ZNF200: variants seen among roughly 807,000 people sequenced by gnomAD.
ZNF200 encodes the protein zinc finger protein 200.
ZNF200 carries 35 observed loss-of-function variants against 33.6 expected under a neutral mutation model. The ratio of observed to expected loss-of-function variants is 1.04; its 90% CI spans 0.80 to 1.38. The LOEUF (loss-of-function observed/expected upper bound fraction) is 1.38, where lower values mean the gene tolerates loss of function less well. Among genes scored for constraint, ZNF200 ranks in the 40% most tolerant of loss-of-function variants. The pLI, the probability that ZNF200 is intolerant of heterozygous loss-of-function variation, is 0.00. For missense variants in ZNF200, 592 were observed against 470.6 expected (o/e 1.26, Z -2.39); for synonymous variants, 209 against 167.7 (o/e 1.25, Z -1.90).
At position 3,232,540 on chromosome 16, in the gene ZNF200, A is replaced by T. The variant is rs777637947; in HGVS notation, c.347T>A (p.Val116Glu). ...LYLKANPEELVVFEDLNVFHC... is the reference protein window; with the variant it reads ...LYLKANPEELEVFEDLNVFHC... ...AAATACATTCAAATCCTCAAAGACCACCAGCTCCTGAAAGAGCAAGAGGCC... is the reference window on the plus strand; with the variant it reads ...AAATACATTCAAATCCTCAAAGACCTCCAGCTCCTGAAAGAGCAAGAGGCC... The change falls in exon 4 of 5, where the codon GTG becomes GAG. Residue 116 changes from valine (V) to glutamate (E), a missense_variant. Val to Glu is a moderately radical substitution (Grantham distance 121). Coordinates refer to ENST00000414144, the MANE Select transcript of ZNF200 (RefSeq NM_198088.3). 70 of 1,613,606 alleles carry T rather than the reference A, an allele frequency of 4.3e-5. No individual in the cohort carries two copies. Among genetic ancestry groups the T allele is most frequent in the Non-Finnish European group, 5.6e-5 (66 of 1,179,972 alleles).
chr16:3,224,382 T>G lies in ZNF200; in HGVS notation c.698A>C (p.Lys233Thr). Residue 233 changes from lysine to threonine, a missense_variant, in exon 5 of 5, where the codon AAA (lysine) becomes ACA (threonine). By Grantham distance (78) the Lys-to-Thr change is moderately conservative. Transcript: ENST00000414144. ...ENDTPLEELSKYVDISIIALT... is the reference protein window; with the variant it reads ...ENDTPLEELSTYVDISIIALT... ...GGCAATAATACTGATGTCTACATATTTTGAGAGTTCCTCTAGAGGAGTATC... is the reference window on the plus strand; with the variant it reads ...GGCAATAATACTGATGTCTACATATGTTGAGAGTTCCTCTAGAGGAGTATC... The G allele has an allele frequency of 1.9e-6, 3 of 1,614,234 alleles. No homozygotes were observed. Among genetic ancestry groups the G allele is most frequent in the Non-Finnish European group, 2.5e-6 (3 of 1,180,046 alleles).
rs1468893509 is a variant in ZNF200 at position 3,233,675 on chromosome 16, C to T, written c.81G>A (p.Leu27=). Residue 27 remains leucine (L), a synonymous_variant, in exon 2 of 5, where the codon CTG becomes CTA. Transcript: ENST00000414144. ...FILRVPPDSK[L]GQDLLRDATN... is the part of the protein sequence containing the mutation. ...TGGCATCTCGAAGTAGGTCTTGGCC[C>T]AGCTTGGAGTCTGGCGGAACTCTCA... 4.3e-6 allele frequency: 7 copies of T among 1,613,824 alleles called. No individual in the cohort carries two copies. Among genetic ancestry groups the T allele is most frequent in the Non-Finnish European group, 5.9e-6 (7 of 1,179,972 alleles).
chr16:3,232,701 G>A, intron 3 of ZNF200, 132 bp downstream of exon 3: 3 of 1,415,778 alleles, frequency 2.1e-6, no homozygotes, highest in Admixed American at 2.0e-5. Context: ...CAGCCAGGCT[G>A]AGAAGGGCTC....
In ZNF200 at chr16:3,224,601, C is replaced by G. The variant is rs765495787; in HGVS notation, c.479G>C (p.Ser160Thr). 1.4e-5 allele frequency: 22 copies of G among 1,589,230 alleles called. No individual in the cohort carries two copies. Among genetic ancestry groups the G allele is most frequent in the Middle Eastern group, 1.7e-4 (1 of 5,950 alleles). Residue 160 changes from serine (S) to threonine (T), a missense_variant, in exon 5 of 5, where the codon AGT (serine) becomes ACT (threonine). Physicochemically the swap from Ser to Thr is moderately conservative, Grantham distance 58. Coordinates refer to ENST00000414144, the MANE Select transcript of ZNF200 (RefSeq NM_198088.3). ...CTCAGGATCTTCACCTTCAGGATTA[C>G]TGCCATTGACTGCTGAAACAAAGAG... ...GEMMLLAVNG[S>T]NPEGEDPERE...
intron 3 of ZNF200, 122 bp downstream of exon 3, chr16:3,232,711 C>A: frequency 7.0e-7 from 1 of 1,422,742 alleles, no homozygotes; most frequent in Admixed American, 2.1e-5. Flanking sequence ...GAGAAGGGCT[C>A]AAGGAAAAAG....
chr16:3,224,362 T>C lies in ZNF200; in HGVS notation c.718A>G (p.Ile240Val). 6.2e-7 allele frequency: 1 copy of C among 1,614,226 alleles called. No homozygotes were observed. The highest frequency in any genetic ancestry group is 8.5e-7 in the Non-Finnish European group (1 of 1,180,046). Residue 240 changes from isoleucine to valine, a missense_variant, in exon 5 of 5, where the codon ATT (isoleucine) becomes GTT (valine). Physicochemically the swap from Ile to Val is conservative, Grantham distance 29. Transcript: ENST00000414144. The stretch of plus-strand genomic sequence containing the variant: ...GTCCTCCGATTTCGAGTAAGGGCAA[T>C]AATACTGATGTCTACATATTTTGAG... ...ELSKYVDISI[I>V]ALTRNRRTRR...
In ZNF200 at chr16:3,232,789, G is replaced by A. The variant is rs373735180; in HGVS notation, c.339+44C>T. The A allele has an allele frequency of 5.3e-5, 84 of 1,595,130 alleles. 1 individual carries two copies. The South Asian group carries it at 5.7e-4, about 11-fold the overall frequency. ...TTTTACACACAGGTTGGCCAAGCAC[G>A]GAAGGTGATGGATTCAGGCAGTAAA... On this transcript the variant is annotated intron_variant, in intron 3 of 4. Transcript: ENST00000414144.
chr16:3,233,056 T>A (rs113458282), intron 2 of ZNF200, 135 bp from the exon 3 acceptor site: 2 of 729,004 alleles, frequency 2.7e-6, no homozygotes, highest in Non-Finnish European at 4.5e-6. Flanking sequence ...TGAGCCCTTA[T>A]AGAGTTCAAG....
chr16:3,224,541 T>G lies in ZNF200; in HGVS notation c.539A>C (p.Lys180Thr). Residue 180 changes from lysine to threonine, a missense_variant, in exon 5 of 5, where the codon AAG (lysine) becomes ACG (threonine). Transcript: ENST00000414144. The part of the protein sequence containing the change: ...EPVENEDYRE[K>T]SSDDDEMDSS... Reference sequence around the variant, plus strand: ...ATCCATTTCATCATCATCTGAAGACTTTTCTCTATAATCTTCATTTTCTAC... The same window carrying G: ...ATCCATTTCATCATCATCTGAAGACGTTTCTCTATAATCTTCATTTTCTAC... The G allele has an allele frequency of 6.2e-7, 1 of 1,613,834 alleles. No individual in the cohort carries two copies. Among genetic ancestry groups the G allele is most frequent in the Non-Finnish European group, 8.5e-7 (1 of 1,179,852 alleles).
In ZNF200 at chr16:3,222,591, G is replaced by C. The variant is rs1168989536; in HGVS notation, c.*1301C>G. 2.6e-5 allele frequency: 4 copies of C among 152,144 alleles called. No individual in the cohort carries two copies. The highest frequency in any genetic ancestry group is 9.7e-5 in the African/African-American group (4 of 41,432). The allele number at this position is 152,144 out of a possible 1,614,324, so 9.4% of individuals were successfully genotyped here. On this transcript the variant is annotated 3_prime_UTR_variant, in exon 5 of 5. Transcript: ENST00000414144. The stretch of plus-strand genomic sequence containing the variant: ...TAATAAATAGAAAGGCATGTTTCTG[G>C]ATGGGAAACATACACTATAATTTTT...
At position 3,224,282 on chromosome 16, in the gene ZNF200, G is replaced by A. The variant is rs1958410209; in HGVS notation, c.798C>T (p.Tyr266=). 1 of 1,613,964 alleles carries A rather than the reference G, an allele frequency of 6.2e-7. No individual in the cohort carries two copies. The highest frequency in any genetic ancestry group is 8.5e-7 in the Non-Finnish European group (1 of 1,180,022). ...TGTGGGTCCTCTGGTGGGAAATGAG[G>A]TAAGAACTTTCATTAAACTGTTTCC... ...LCGKQFNESS[Y]LISHQRTHTG... is the part of the protein sequence containing the mutation. Residue 266 remains tyrosine, a synonymous_variant, in exon 5 of 5, where the codon TAC becomes TAT. Coordinates refer to ENST00000414144, the MANE Select transcript of ZNF200 (RefSeq NM_198088.3).
In ZNF200 at chr16:3,233,435, A is replaced by G. The variant is rs1274986582; in HGVS notation, c.250+71T>C. ...ACCATCCTAACTTGAATTTATAACT[A>G]ACACAGAAACCTATCTTAGACTCCA... is the stretch of plus-strand genomic sequence containing the variant. On this transcript the variant is annotated intron_variant, in intron 2 of 4. Coordinates refer to ENST00000414144, the MANE Select transcript of ZNF200 (RefSeq NM_198088.3). The G allele has an allele frequency of 1.1e-5, 16 of 1,478,270 alleles. No homozygotes were observed. In the Admixed American group the frequency reaches 3.9e-4, roughly 36 times the overall value. The allele number at this position is 1,478,270 out of a possible 1,614,324, so 91.6% of individuals were successfully genotyped here.
At position 3,232,856 on chromosome 16, in the gene ZNF200, G is replaced by C. The variant is rs200300477; in HGVS notation, c.316C>G (p.Leu106Val). 2.5e-6 allele frequency: 4 copies of C among 1,613,890 alleles called. No individual in the cohort carries two copies. In the East Asian group the frequency reaches 8.9e-5, roughly 36 times the overall value. ...GVQKEQETVSLYLKANPEELV... is the reference protein window; with the variant it reads ...GVQKEQETVSVYLKANPEELV... Reference sequence around the variant, plus strand: ...ACCTCAGGGTTAGCTTTCAAATACAGAGACACTGTCTCTTGTTCCTTTTGG... The same window carrying C: ...ACCTCAGGGTTAGCTTTCAAATACACAGACACTGTCTCTTGTTCCTTTTGG... The change falls in exon 3 of 5, where the codon CTG (leucine) becomes GTG (valine). Residue 106 changes from leucine (L) to valine (V), a missense_variant. Transcript: ENST00000414144.
rs541196645 is a variant in ZNF200, at chr16:3,233,911, G to A, written c.-81-75C>T. 22 of 1,221,988 alleles carry A rather than the reference G, an allele frequency of 1.8e-5. No individual in the cohort carries two copies. The South Asian group carries it at 2.8e-4, about 15-fold the overall frequency. The allele number at this position is 1,221,988 out of a possible 1,614,324, so 75.7% of individuals were successfully genotyped here. A position where few individuals can be genotyped will look rare whatever the true frequency, so the allele number is the denominator to read the frequency against. On this transcript the variant is annotated intron_variant, in intron 1 of 4. Transcript: ENST00000414144. ...CTGCACTCCAATATGTGGCATGGCT[G>A]GTGAGGCTACATGAGATCTAAAGAA...
chr16:3,233,743 T>C lies in ZNF200; in HGVS notation c.13A>G (p.Lys5Glu), dbSNP rs762029293. 3.1e-6 allele frequency: 5 copies of C among 1,611,486 alleles called. No homozygotes were observed. The highest frequency in any genetic ancestry group is 1.1e-5 in the South Asian group (1 of 90,836). The change falls in exon 2 of 5, where the codon AAA becomes GAA. Residue 5 changes from lysine (K) to glutamate (E), a missense_variant. Physicochemically the swap from Lys to Glu is moderately conservative, Grantham distance 56. Coordinates refer to ENST00000414144, the MANE Select transcript of ZNF200 (RefSeq NM_198088.3). MMAA[K>E]VVPMPPKPKQ... ...GGCTTTGGGGGCATAGGAACCACTTTTGCAGCCATCATGCCTTGCAACCAC... is the reference window on the plus strand; with the variant it reads ...GGCTTTGGGGGCATAGGAACCACTTCTGCAGCCATCATGCCTTGCAACCAC...
intron 4 of ZNF200, chr16:3,227,273 T>C (rs556848979): frequency 6.6e-6 from 1 of 152,362 alleles, no homozygotes; most frequent in South Asian, 2.1e-4. Flanking sequence ...GTCAATCTTT[T>C]CTTTCAAGGC....
At position 3,223,921 on chromosome 16, in the gene ZNF200, A is replaced by T. The variant is rs777607766; in HGVS notation, c.1159T>A (p.Ser387Thr). The T allele has an allele frequency of 3.3e-5, 54 of 1,613,706 alleles. No individual in the cohort carries two copies. The highest frequency in any genetic ancestry group is 4.2e-5 in the Non-Finnish European group (49 of 1,179,884). ...SNCTRHEKTH[S>T]ACKTRKQK ...TTCTGCTTTCGGGTCTTACAGGCTGAGTGGGTTTTCTCATGCCGGGTACAG... is the reference window on the plus strand; with the variant it reads ...TTCTGCTTTCGGGTCTTACAGGCTGTGTGGGTTTTCTCATGCCGGGTACAG... The change falls in exon 5 of 5, where the codon TCA becomes ACA. Residue 387 changes from serine to threonine, a missense_variant. Coordinates refer to ENST00000414144, the MANE Select transcript of ZNF200 (RefSeq NM_198088.3).
chr16:3,233,631 A>G lies in ZNF200; in HGVS notation c.125T>C (p.Ile42Thr), dbSNP rs778854157. The G allele has an allele frequency of 2.5e-6, 4 of 1,613,892 alleles. No homozygotes were observed. The highest frequency in any genetic ancestry group is 1.1e-5 in the South Asian group (1 of 91,070). The change falls in exon 2 of 5, where the codon ATC (isoleucine) becomes ACC (threonine). Residue 42 changes from isoleucine to threonine, a missense_variant. By Grantham distance (89) the Ile-to-Thr change is moderately conservative. Coordinates refer to ENST00000414144, the MANE Select transcript of ZNF200 (RefSeq NM_198088.3). ...LRDATNGPKT[I>T]HQLVLEHFLT... ...GAAGTGCTCCAGCACTAGCTGGTGG[A>G]TGGTCTTGGGCCCGTTAGTGGCATC...
rs771637472 is a variant in ZNF200, at chr16:3,232,761, T to C, written c.339+72A>G. 247 of 1,526,838 alleles carry C rather than the reference T, an allele frequency of 1.6e-4. 1 individual carries two copies. Among genetic ancestry groups the C allele is most frequent in the Middle Eastern group, 3.4e-4 (2 of 5,844 alleles). 94.6% of individuals were successfully genotyped at this position (1,526,838 alleles called of 1,614,324 possible). Reference sequence around the variant, plus strand: ...CCAAGAAGGCCAACTCCTAAGAATGTGTTTTTACACACAGGTTGGCCAAGC... The same window carrying C: ...CCAAGAAGGCCAACTCCTAAGAATGCGTTTTTACACACAGGTTGGCCAAGC... On this transcript the variant is annotated intron_variant, in intron 3 of 4. Coordinates refer to ENST00000414144, the MANE Select transcript of ZNF200 (RefSeq NM_198088.3).
Sources: gnomAD v4.1 joint callset for allele counts on GRCh38, gnomAD v4.1.1 for gene constraint, MANE v1.5 for transcripts, NCBI Gene and HGNC (gene_info 2026-07-23, HGNC 2026-07-21) for gene names.